ADORA1: variants seen among roughly 807,000 people sequenced by gnomAD.
ADORA1 encodes adenosine A1 receptor.
ADORA1 carries 6 observed loss-of-function variants against 19.9 expected under a neutral mutation model. That is an observed-to-expected ratio of 0.30 (90% confidence interval 0.17 to 0.59). The LOEUF is 0.59. ADORA1 is among the 20% of genes least tolerant of loss of function. ADORA1 has a pLI of 0.87. For synonymous variants in ADORA1, 194 were observed against 188.4 expected (o/e 1.03, Z -0.24); for missense variants, 302 against 439.2 (o/e 0.69, Z 2.79).
At chr1:203,141,687 T>C (rs1571790764) in intron 3 of ADORA1, among the ~76,000 whole-genome samples, 1 of 150,990 alleles carries the variant, frequency 6.6e-6, no homozygotes. Context: ...TTCAAGTGAT[T>C]CTCCTGCCTC....
intron 3 of ADORA1, among the ~76,000 whole-genome samples, chr1:203,161,210 A>G (rs1655354578): frequency 6.6e-6 from 1 of 152,202 alleles, no homozygotes; most frequent in Non-Finnish European, 1.5e-5. Context: ...TCTGTAGCCC[A>G]TTGCTCCGGG....
chr1:203,158,152 C>G (rs953422471), intron 3 of ADORA1, among the ~76,000 whole-genome samples: 1 of 152,144 alleles, frequency 6.6e-6, no homozygotes. Flanking sequence ...TAAGTTTCAT[C>G]TTTAAATCAT....
chr1:203,135,692 A>C (rs1654483763), intron 3 of ADORA1, among the ~76,000 whole-genome samples: 1 of 152,156 alleles, frequency 6.6e-6, no homozygotes, highest in African/African-American at 2.4e-5. Flanking sequence ...TATAAAATCA[A>C]ACAAAAAAAC....
chr1:203,141,572 ATTTTTTTTTTT>A (rs56188119), intron 3 of ADORA1, among the ~76,000 whole-genome samples: 13 of 73,524 alleles, frequency 1.8e-4, no homozygotes, highest in Admixed American at 1.2e-3. Context: ...TCTAACCTGG[ATTTTTTTTTTT>A]TTTTTTTTTT....
At chr1:203,163,463 A>T (rs559995382) in intron 3 of ADORA1, among the ~76,000 whole-genome samples, 5 of 152,290 alleles carry the variant, frequency 3.3e-5, no homozygotes, top group African/African-American at 1.2e-4. Context: ...GATTGTATCT[A>T]AGAAAACTTC....
intron 3 of ADORA1, among the ~76,000 whole-genome samples, chr1:203,132,990 T>C (rs1654389186): frequency 6.6e-6 from 1 of 152,228 alleles, no homozygotes; most frequent in Non-Finnish European, 1.5e-5. Context: ...TTTTGTTGTG[T>C]TGTGTGTTTT....
At chr1:203,139,290 G>T (rs1654605883) in intron 3 of ADORA1, among the ~76,000 whole-genome samples, 1 of 152,226 alleles carries the variant, frequency 6.6e-6, no homozygotes, top group Non-Finnish European at 1.5e-5. Context: ...ACGGGATCCT[G>T]GAGGCTCTTC....
chr1:203,141,949 A>C (rs115064445), intron 3 of ADORA1, among the ~76,000 whole-genome samples: 2,220 of 152,134 alleles, frequency 0.015, 52 homozygotes, highest in African/African-American at 0.049. Context: ...TTACAGAGAC[A>C]CTCTAATGAA....
chr1:203,146,167 G>A (rs1001948650), intron 3 of ADORA1, among the ~76,000 whole-genome samples: 1 of 152,080 alleles, frequency 6.6e-6, no homozygotes, highest in Non-Finnish European at 1.5e-5. Context: ...TGTCAGGGGT[G>A]GGGGAGGGGC....
rs1259492909 is a variant in ADORA1, at chr1:203,128,346, C to T, written c.-144C>T. On this transcript the variant is annotated 5_prime_UTR_variant, in exon 2 of 4. Transcript: ENST00000337894. The surrounding 1 kb of genome is among the most constrained non-coding windows in gnomAD (Gnocchi z 5.9). The stretch of plus-strand genomic sequence containing the variant: ...TGCCGCGCGTTGTCCAGAGCCCAGC[C>T]CAGCCCTACCGCGCGCGGCCCGGAG... The T allele has an allele frequency of 2.3e-6, 3 of 1,289,934 alleles. No homozygotes were observed. Among genetic ancestry groups the T allele is most frequent in the South Asian group, 1.2e-5 (1 of 81,002 alleles). The allele number at this position is 1,289,934 out of a possible 1,614,324, so 79.9% of individuals were successfully genotyped here.
intron 3 of ADORA1, among the ~76,000 whole-genome samples, chr1:203,131,881 G>C (rs149256481): frequency 6.6e-6 from 1 of 152,324 alleles, no homozygotes; most frequent in Non-Finnish European, 1.5e-5. Context: ...CAGGCTTGCT[G>C]CCCTGACATG....
chr1:203,159,673 T>C (rs899815557), intron 3 of ADORA1, among the ~76,000 whole-genome samples: 1 of 152,250 alleles, frequency 6.6e-6, no homozygotes. Flanking sequence ...GCATATCTAT[T>C]GCCTGTTTCT....
intron 3 of ADORA1, chr1:203,164,963 T>C (rs1445698124): frequency 7.0e-7 from 1 of 1,427,664 alleles, no homozygotes; most frequent in Non-Finnish European, 9.6e-7. Flanking sequence ...GAGCAATTTT[T>C]ACTGTGGTCA....
At chr1:203,156,550 C>T (rs191348973) in intron 3 of ADORA1, among the ~76,000 whole-genome samples, 72 of 152,042 alleles carry the variant, frequency 4.7e-4, no homozygotes, top group Non-Finnish European at 7.7e-4. Flanking sequence ...GGGGATGGGC[C>T]CTTCAGGGAA....
Position 203,166,769 on chromosome 1 carries a change from G to C in ADORA1, c.*869G>C, listed in dbSNP as rs537540416. The C allele has an allele frequency of 6.6e-6, 1 of 152,538 alleles. No homozygotes were observed. 9.4% of individuals were successfully genotyped at this position (152,538 alleles called of 1,614,324 possible). A position where few individuals can be genotyped will look rare whatever the true frequency, so the allele number is the denominator to read the frequency against. On this transcript the variant is annotated 3_prime_UTR_variant, in exon 4 of 4. Coordinates refer to ENST00000337894, the MANE Select transcript of ADORA1 (RefSeq NM_000674.3). ...CAGCTCCACTGGCCTGCCCGTTGCCGGGCCTGGACTGTCCTAGGTGACCCC... is the reference window on the plus strand; with the variant it reads ...CAGCTCCACTGGCCTGCCCGTTGCCCGGCCTGGACTGTCCTAGGTGACCCC...
In ADORA1 at chr1:203,145,454, G is replaced by A. The variant is rs184965598; in HGVS notation, c.341+16272G>A. 1.1e-3 allele frequency among the ~76,000 whole-genome samples: 169 copies of A among 152,372 alleles called. 1 individual carries two copies. Among genetic ancestry groups the A allele is most frequent in the African/African-American group, 3.7e-3 (154 of 41,588 alleles). On this transcript the variant is annotated intron_variant, in intron 3 of 3. Coordinates refer to ENST00000337894, the MANE Select transcript of ADORA1 (RefSeq NM_000674.3). The stretch of plus-strand genomic sequence containing the variant: ...AGCCTGACTTCTCAGGGTTGCTGAG[G>A]CAGGTCCGGCCGCCTGTAAGGATCC...
At chr1:203,144,264 G>T (rs1046977223) in intron 3 of ADORA1, among the ~76,000 whole-genome samples, 1 of 152,058 alleles carries the variant, frequency 6.6e-6, no homozygotes, top group African/African-American at 2.4e-5. Flanking sequence ...TTATCAAATT[G>T]CACTGGCGTG....
rs79599913 is a variant in ADORA1 at position 203,165,293 on chromosome 1, C to T, written c.374C>T (p.Ala125Val). 150 of 1,571,218 alleles carry T rather than the reference C, an allele frequency of 9.5e-5. No individual in the cohort carries two copies. The highest frequency in any genetic ancestry group is 1.2e-4 in the Non-Finnish European group (140 of 1,158,722). The change falls in exon 4 of 4, where the codon GCG becomes GTG. Residue 125 changes from alanine (A) to valine (V), a missense_variant. Ala to Val is a moderately conservative substitution (Grantham distance 64, BLOSUM62 0). Transcript: ENST00000337894. This position sits in a 1 kb window ranked among gnomAD's most constrained non-coding sequence, Gnocchi z 5.9. ...YKMVVTPRRA[A>V]VAIAGCWILS... ...ATGGTGGTGACCCCCCGGAGGGCGG[C>T]GGTGGCCATAGCCGGCTGCTGGATC...
rs201482062 is a variant in ADORA1 at position 203,165,681 on chromosome 1, C to T, written c.762C>T (p.Asn254=). The change falls in exon 4 of 4, where the codon AAC becomes AAT. Residue 254 remains asparagine (N), a synonymous_variant. Transcript: ENST00000337894. This position sits in a 1 kb window ranked among gnomAD's most constrained non-coding sequence, Gnocchi z 5.9. ...ALSWLPLHIL[N]CITLFCPSCH... ...GCTGGCTGCCTTTGCACATCCTCAA[C>T]TGCATCACCCTCTTCTGCCCGTCCT... is the stretch of plus-strand genomic sequence containing the variant. 2.4e-5 allele frequency: 39 copies of T among 1,609,786 alleles called. 1 individual carries two copies. The South Asian group carries it at 3.3e-4, about 14-fold the overall frequency.
Sources: gnomAD v4.1 joint callset for allele counts (sites outside exome capture counted in the v4.1 genomes callset) on GRCh38, gnomAD v4.1.1 for gene constraint, Gnocchi (gnomAD v3.1) non-coding constraint, MANE v1.5 for transcripts, NCBI Gene and HGNC (gene_info 2026-07-23, HGNC 2026-07-21) for gene names.